RBM27: variants seen among roughly 807,000 people sequenced by gnomAD.
RBM27 encodes the protein RNA-binding protein 27.
A neutral mutation model predicts 135.3 loss-of-function variants in RBM27; 22 were observed. That is an observed-to-expected ratio of 0.16 (90% CI 0.12 to 0.23). The LOEUF is 0.23. Ranked by LOEUF, RBM27 falls within the 10% of genes least tolerant of loss-of-function variation. The pLI is 1.00. For missense variants in RBM27, 1,009 were observed against 1,281.0 expected, an observed-to-expected ratio of 0.79 and a Z score of 3.24; for synonymous variants, 481 against 442.4, an observed-to-expected ratio of 1.09 and a Z score of -1.10.
rs187700315 is a variant in RBM27, at chr5:146,274,028, A to G, written c.2988+2354A>G. Among the ~76,000 whole-genome samples the G allele has an allele frequency of 2.3e-3, 352 of 152,328 alleles. 3 individuals carry two copies. Among genetic ancestry groups the G allele is most frequent in the African/African-American group, 7.9e-3 (327 of 41,572 alleles). On this transcript the variant is annotated intron_variant, in intron 19 of 20. Transcript: ENST00000265271. ...AGACGGAGTTTTGCTCTCGTCGCCC[A>G]GGCTGGAGTGCAATGGCACGATCTT...
chr5:146,232,269 G>A (rs1475338250), intron 6 of RBM27, among the ~76,000 whole-genome samples: 1 of 152,050 alleles, frequency 6.6e-6, no homozygotes, highest in Non-Finnish European at 1.5e-5. Context: ...TTAAAGTAGG[G>A]AATAGAGTCA....
chr5:146,280,213 G>A (rs1321987329), intron 19 of RBM27, among the ~76,000 whole-genome samples: 2 of 151,700 alleles, frequency 1.3e-5, no homozygotes, highest in East Asian at 1.9e-4. Context: ...ATGCACCACC[G>A]CGCCCAGCTA....
At chr5:146,262,577 C>T (rs1275605102) in intron 13 of RBM27, among the ~76,000 whole-genome samples, 1 of 152,210 alleles carries the variant, frequency 6.6e-6, no homozygotes, top group Non-Finnish European at 1.5e-5. Context: ...TAAATACAGT[C>T]AGATTTTTAA....
chr5:146,266,898 T>C (rs753238154), intron 14 of RBM27, among the ~76,000 whole-genome samples: 3 of 152,078 alleles, frequency 2.0e-5, no homozygotes, highest in Non-Finnish European at 4.4e-5. Flanking sequence ...CTCTGCACGC[T>C]AGCCTGGGTA....
chr5:146,277,517 ATTTTTTT>A (rs371321141), intron 19 of RBM27, among the ~76,000 whole-genome samples: 5 of 125,520 alleles, frequency 4.0e-5, no homozygotes, highest in African/African-American at 9.3e-5. Context: ...TACTGGGATA[ATTTTTTT>A]TTTTTTTTTT....
intron 19 of RBM27, among the ~76,000 whole-genome samples, chr5:146,272,396 T>C (rs1758906786): frequency 6.6e-6 from 1 of 152,154 alleles, no homozygotes; most frequent in African/African-American, 2.4e-5. Flanking sequence ...AACAACTCTT[T>C]TGAGAGGAAG....
At chr5:146,220,215 C>T (rs1024193304) in intron 2 of RBM27, among the ~76,000 whole-genome samples, 10 of 152,160 alleles carry the variant, frequency 6.6e-5, no homozygotes, top group African/African-American at 1.2e-4. Context: ...CGGTGGCTTA[C>T]GCCTGTAATC....
chr5:146,237,799 T>C (rs1299982707), intron 8 of RBM27, among the ~76,000 whole-genome samples: 1 of 152,202 alleles, frequency 6.6e-6, no homozygotes, highest in African/African-American at 2.4e-5. Flanking sequence ...GTGATTCTCT[T>C]GCCTCAGCCT....
Position 146,286,057 on chromosome 5 carries a change from A to G in RBM27, c.*27A>G. 6.4e-7 allele frequency: 1 copy of G among 1,564,334 alleles called. No homozygotes were observed. Among genetic ancestry groups the G allele is most frequent in the Non-Finnish European group, 8.7e-7 (1 of 1,154,054 alleles). On this transcript the variant is annotated 3_prime_UTR_variant, in exon 21 of 21. Coordinates refer to ENST00000265271, the MANE Select transcript of RBM27 (RefSeq NM_018989.2). ...ATCTGATGCTAGCTGTATAATTTTTAGGAATATTGTTTAGAAGAACAACTT... is the reference window on the plus strand; with the variant it reads ...ATCTGATGCTAGCTGTATAATTTTTGGGAATATTGTTTAGAAGAACAACTT...
chr5:146,258,878 C>A (rs1375197858), intron 11 of RBM27, among the ~76,000 whole-genome samples: 7 of 151,822 alleles, frequency 4.6e-5, no homozygotes, highest in African/African-American at 1.5e-4. Context: ...CTTGTCCCAG[C>A]CTCCTGAGTA....
chr5:146,236,909 C>T (rs1407467747), intron 7 of RBM27, among the ~76,000 whole-genome samples: 5 of 148,456 alleles, frequency 3.4e-5, no homozygotes, highest in Admixed American at 6.8e-5. Context: ...CATGAGCCAC[C>T]GTGCCCGGCC....
At chr5:146,259,689 T>C (rs1173614351) in intron 11 of RBM27, among the ~76,000 whole-genome samples, 1 of 151,518 alleles carries the variant, frequency 6.6e-6, no homozygotes, top group African/African-American at 2.4e-5. Flanking sequence ...ATAAGAATAA[T>C]GTGGCCGGGC....
Position 146,263,619 on chromosome 5 carries a change from A to C in RBM27, c.2319A>C (p.Gly773=), listed in dbSNP as rs1411583982. The change falls in exon 14 of 21, where the codon GGA becomes GGC. Residue 773 remains glycine (G), a synonymous_variant. Coordinates refer to ENST00000265271, the MANE Select transcript of RBM27 (RefSeq NM_018989.2). Reference sequence around the variant, plus strand: ...TGTTGAATCAGTCTGGTGGTGCTGGAGAAGATTGCCAGGTATGCATTTTTG... The same window carrying C: ...TGTTGAATCAGTCTGGTGGTGCTGGCGAAGATTGCCAGGTATGCATTTTTG... ...SHLLNQSGGA[G]EDCQIFSTPG... is the part of the protein sequence containing the mutation. 1 of 1,613,746 alleles carries C rather than the reference A, an allele frequency of 6.2e-7. No homozygotes were observed.
intron 1 of RBM27, among the ~76,000 whole-genome samples, chr5:146,211,640 C>T (rs1021558184): frequency 2.6e-5 from 4 of 151,678 alleles, no homozygotes; most frequent in Non-Finnish European, 5.9e-5. Flanking sequence ...TGCCACCACA[C>T]CTGGCTAATT....
At chr5:146,208,486 G>C (rs112209992) in intron 1 of RBM27, among the ~76,000 whole-genome samples, 3,302 of 151,938 alleles carry the variant, frequency 0.022, 137 homozygotes, top group African/African-American at 0.076. Context: ...CAGTAAAAGG[G>C]AGGGAAACCA....
intron 9 of RBM27, among the ~76,000 whole-genome samples, chr5:146,253,760 G>C (rs1467114040): frequency 6.6e-6 from 1 of 152,096 alleles, no homozygotes; most frequent in Admixed American, 6.5e-5. Flanking sequence ...TCGTGGGAGA[G>C]GTTTAATCTA....
intron 19 of RBM27, among the ~76,000 whole-genome samples, chr5:146,280,613 T>C (rs1759300909): frequency 6.6e-6 from 1 of 152,174 alleles, no homozygotes; most frequent in Non-Finnish European, 1.5e-5. Context: ...TTGCTTTCTT[T>C]ATACAGTCAA....
chr5:146,238,292 T>G (rs1002845493), intron 8 of RBM27, among the ~76,000 whole-genome samples: 1 of 152,174 alleles, frequency 6.6e-6, no homozygotes, highest in African/African-American at 2.4e-5. Flanking sequence ...GCAGATCATC[T>G]GAGGTCGGGA....
At chr5:146,284,485 T>A (rs537131965) in intron 19 of RBM27, 137 bp from the exon 20 acceptor site, 1 of 664,154 alleles carries the variant, frequency 1.5e-6, no homozygotes, top group South Asian at 1.8e-5. Context: ...TTTTTTTAGC[T>A]CTCATTGGAG....
Sources: allele counts gnomAD v4.1 joint callset (sites outside exome capture counted in the v4.1 genomes callset), GRCh38; gene constraint gnomAD v4.1.1; transcripts MANE v1.5; gene names NCBI Gene and HGNC (gene_info 2026-07-23, HGNC 2026-07-21).